CMTM4: variants seen among roughly 807,000 people sequenced by gnomAD.
CMTM4 encodes the protein CKLF like MARVEL transmembrane domain containing 4, also known as CKLF-like MARVEL transmembrane domain-containing protein 4.
Under a neutral mutation model 19.0 loss-of-function variants are expected in CMTM4, and 8 were observed. The ratio of observed to expected loss-of-function variants is 0.42; its 90% CI spans 0.25 to 0.76. CMTM4 has a LOEUF of 0.76. Ranked by LOEUF, CMTM4 falls within the 30% of genes least tolerant of loss-of-function variation. The pLI is 0.27. For missense variants in CMTM4, 228 were observed against 290.2 expected (o/e 0.79, Z 1.56); for synonymous variants, 106 against 121.1 (o/e 0.88, Z 0.82).
chr16:66,660,456 A>C (rs1294086950), intron 1 of CMTM4, among the ~76,000 whole-genome samples: 1 of 152,142 alleles, frequency 6.6e-6, no homozygotes, highest in Admixed American at 6.6e-5. Flanking sequence ...ATTAAAAAGA[A>C]AAATTTTCAA....
In CMTM4 at chr16:66,696,064, A is replaced by C. The variant is rs1379454142; in HGVS notation, c.186+276T>G. On this transcript the variant is annotated intron_variant, in intron 1 of 3. Transcript: ENST00000394106. This position sits in a 1 kb window ranked among gnomAD's most constrained non-coding sequence, Gnocchi z 4.3. ...CCCAGTAACGCCACAGACTCCCGGG[A>C]GCGAGGGCGGAGCGGACAGGTAGGC... Among the ~76,000 whole-genome samples, 2 of 152,142 alleles carry C rather than the reference A, an allele frequency of 1.3e-5. No homozygotes were observed. The highest frequency in any genetic ancestry group is 6.5e-5 in the Admixed American group (1 of 15,282).
At chr16:66,600,146 G>GTTT in the CMTM4 span, among the ~76,000 whole-genome samples, 7 of 125,776 alleles carry the variant, frequency 5.6e-5, no homozygotes, top group Admixed American at 1.6e-4. Flanking sequence ...GTTTTTTTTT[G>GTTT]TTTTTTTTTT....
At chr16:66,626,368 C>T (rs966377103) in intron 2 of CMTM4, among the ~76,000 whole-genome samples, 4 of 152,050 alleles carry the variant, frequency 2.6e-5, no homozygotes, top group African/African-American at 9.7e-5. Flanking sequence ...CTTTGGGAGG[C>T]CAAGGTGAGT....
rs908420071 is a variant in CMTM4, at chr16:66,636,515, A to G, written c.253T>C (p.Tyr85His). ...IMACSPCEGL[Y>H]FFEFVSCSAF... is the part of the protein sequence containing the mutation. The stretch of plus-strand genomic sequence containing the variant: ...CTGCAGCTCACAAACTCAAAAAAGT[A>G]GAGGCCTTCACACGGGGAGCATGCC... Residue 85 changes from tyrosine to histidine, a missense_variant, in exon 2 of 4, where the codon TAC becomes CAC. Physicochemically the swap from Tyr to His is moderately conservative, Grantham distance 83. Coordinates refer to ENST00000394106, the MANE Select transcript of CMTM4 (RefSeq NM_181521.3). The G allele has an allele frequency of 6.2e-7, 1 of 1,614,262 alleles. No homozygotes were observed. Among genetic ancestry groups the G allele is most frequent in the Non-Finnish European group, 8.5e-7 (1 of 1,180,044 alleles).
chr16:66,633,038 T>C (rs1054903754), intron 2 of CMTM4, among the ~76,000 whole-genome samples: 1 of 150,008 alleles, frequency 6.7e-6, no homozygotes, highest in Admixed American at 6.6e-5. Flanking sequence ...TGAGCCAAGA[T>C]TGTGCCACTG....
rs1354944378 is a variant in CMTM4, at chr16:66,670,451, AAAAAAAAAT to A, written c.186+25880_186+25888del. On this transcript the variant is annotated intron_variant, in intron 1 of 3. Coordinates refer to ENST00000394106, the MANE Select transcript of CMTM4 (RefSeq NM_181521.3). ...CAAGACTCTGTCTCAAAAAAAAAAA[AAAAAAAAAT>A]CGTGCACTTCTCTATACGTATATTG... Among the ~76,000 whole-genome samples, 9 of 151,524 alleles carry A rather than the reference AAAAAAAAAT, an allele frequency of 5.9e-5. No individual in the cohort carries two copies. The East Asian group carries it at 1.6e-3, about 26-fold the overall frequency.
Position 66,679,680 on chromosome 16 carries a change from C to T in CMTM4, c.186+16660G>A, listed in dbSNP as rs548685176. On this transcript the variant is annotated intron_variant, in intron 1 of 3. Transcript: ENST00000394106. ...CTCTACTAAAAATATAAAAATCAGC[C>T]GGGCGTGGTGCTGGGTGCCTGTAAT... Among the ~76,000 whole-genome samples, 6 of 151,934 alleles carry T rather than the reference C, an allele frequency of 3.9e-5. No homozygotes were observed. The East Asian group carries it at 1.2e-3, about 29-fold the overall frequency.
intron 1 of CMTM4, among the ~76,000 whole-genome samples, chr16:66,666,906 C>T (rs2016604531): frequency 6.6e-6 from 1 of 152,190 alleles, no homozygotes; most frequent in African/African-American, 2.4e-5. Flanking sequence ...ACAGACACCT[C>T]TGATTACTTG....
At chr16:66,647,667 A>G in intron 1 of CMTM4, among the ~76,000 whole-genome samples, 1 of 152,090 alleles carries the variant, frequency 6.6e-6, no homozygotes, top group East Asian at 1.9e-4. Flanking sequence ...TTAATCACCC[A>G]CACAAAACAC....
At chr16:66,680,466 G>A (rs1156749284) in intron 1 of CMTM4, among the ~76,000 whole-genome samples, 69 of 126,466 alleles carry the variant, frequency 5.5e-4, no homozygotes, top group East Asian at 1.2e-3. Context: ...GTGACAGAGT[G>A]AGACTCCATC....
rs1386438801 is a variant in CMTM4 at position 66,620,502 on chromosome 16, C to T, written c.*1556G>A. 1 of 985,402 alleles carries T rather than the reference C, an allele frequency of 1.0e-6. No homozygotes were observed. The highest frequency in any genetic ancestry group is 1.2e-6 in the Non-Finnish European group (1 of 829,988). 61.0% of individuals were successfully genotyped at this position (985,402 alleles called of 1,614,324 possible). ...GCCCAGCAGTGTTGCCTGATCAACA[C>T]TGTGAGCTCAGATGCTGTCCTTTTC... On this transcript the variant is annotated 3_prime_UTR_variant, in exon 4 of 4. Coordinates refer to ENST00000394106, the MANE Select transcript of CMTM4 (RefSeq NM_181521.3).
rs189091586 is a variant in CMTM4, at chr16:66,670,175, G to A, written c.186+26165C>T. On this transcript the variant is annotated intron_variant, in intron 1 of 3. Transcript: ENST00000394106. ...AAATTTGTGCACTTCGGCCGGGCAC[G>A]ATGGCTCACGCCTGTAATCCCAGCA... Among the ~76,000 whole-genome samples the A allele has an allele frequency of 3.3e-3, 500 of 152,148 alleles. 1 individual carries two copies. Among genetic ancestry groups the A allele is most frequent in the Non-Finnish European group, 5.7e-3 (390 of 67,996 alleles).
intron 1 of CMTM4, among the ~76,000 whole-genome samples, chr16:66,667,217 C>T (rs939128662): frequency 2.0e-5 from 3 of 151,720 alleles, no homozygotes; most frequent in Admixed American, 1.3e-4. Flanking sequence ...CCCAGCTACC[C>T]GGGAGGCTAA....
At chr16:66,674,239 C>T (rs940113723) in intron 1 of CMTM4, among the ~76,000 whole-genome samples, 1 of 152,188 alleles carries the variant, frequency 6.6e-6, no homozygotes, top group African/African-American at 2.4e-5. Flanking sequence ...CCTTTGGATT[C>T]ATGAGTCCCC....
intron 2 of CMTM4, among the ~76,000 whole-genome samples, chr16:66,627,352 G>A (rs1454992158): frequency 6.6e-6 from 1 of 152,200 alleles, no homozygotes; most frequent in Non-Finnish European, 1.5e-5. Context: ...GCAAAAGACT[G>A]TCTAGAGAGA....
At chr16:66,672,144 C>T (rs2016718838) in intron 1 of CMTM4, among the ~76,000 whole-genome samples, 1 of 151,956 alleles carries the variant, frequency 6.6e-6, no homozygotes, top group Non-Finnish European at 1.5e-5. Context: ...GGGCACAGTG[C>T]CTCATGCCTG....
intron 1 of CMTM4, among the ~76,000 whole-genome samples, chr16:66,692,084 G>A (rs1264798734): frequency 6.6e-6 from 1 of 151,682 alleles, no homozygotes; most frequent in Non-Finnish European, 1.5e-5. Flanking sequence ...TAGCACCTGT[G>A]TGAGGTTTTG....
the CMTM4 span, among the ~76,000 whole-genome samples, chr16:66,598,767 G>A: frequency 2.6e-5 from 4 of 152,144 alleles, no homozygotes; most frequent in Admixed American, 2.6e-4. Context: ...TTCTTGCTGA[G>A]TAGTATTCCA....
intron 1 of CMTM4, among the ~76,000 whole-genome samples, chr16:66,656,465 A>T (rs1357184137): frequency 6.6e-6 from 1 of 151,840 alleles, no homozygotes; most frequent in East Asian, 1.9e-4. Flanking sequence ...TCAGTCTCAA[A>T]ACATCTTCCC....
Sources: gnomAD v4.1 joint callset for allele counts (sites outside exome capture counted in the v4.1 genomes callset) on GRCh38, gnomAD v4.1.1 for gene constraint, Gnocchi (gnomAD v3.1) non-coding constraint, MANE v1.5 for transcripts, NCBI Gene and HGNC (gene_info 2026-07-23, HGNC 2026-07-21) for gene names.